The following LGR5 variants were observed in gnomAD, a reference collection of about 807,000 sequenced individuals.
LGR5 encodes the protein leucine rich repeat containing G protein-coupled receptor 5.
Under a neutral mutation model 76.7 loss-of-function variants are expected in LGR5, and 54 were observed. The ratio of observed to expected loss-of-function variants is 0.70; its 90% CI spans 0.57 to 0.88. LGR5 has a LOEUF of 0.88. Ranked by LOEUF, LGR5 falls within the 40% of genes least tolerant of loss-of-function variation. LGR5 has a pLI of 0.00. For synonymous variants in LGR5, 406 were observed against 421.9 expected (o/e 0.96, Z 0.46); for missense variants, 1,078 against 1,073.3 (o/e 1.00, Z -0.06).
chr12:71,442,530 C>A (rs1871812956), intron 1 of LGR5, among the ~76,000 whole-genome samples: 1 of 152,106 alleles, frequency 6.6e-6, no homozygotes. Flanking sequence ...ATGTTAAATA[C>A]TTATTTCTAA....
chr12:71,581,016 A>G (rs1879069096), intron 16 of LGR5, among the ~76,000 whole-genome samples: 1 of 152,176 alleles, frequency 6.6e-6, no homozygotes, highest in Admixed American at 6.5e-5. Context: ...TACTGTCCTC[A>G]GGGGTGATTA....
At chr12:71,479,343 C>CCTAGAAT (rs1215381141) in intron 1 of LGR5, among the ~76,000 whole-genome samples, 3 of 152,152 alleles carry the variant, frequency 2.0e-5, no homozygotes, top group Non-Finnish European at 4.4e-5. Context: ...AAATAAGCCT[C>CCTAGAAT]CTAGAATAAG....
chr12:71,567,685 G>A (rs1878415846), intron 11 of LGR5, among the ~76,000 whole-genome samples: 1 of 152,074 alleles, frequency 6.6e-6, no homozygotes, highest in South Asian at 2.1e-4. Context: ...GTAGATAAAC[G>A]GGAATGGCTG....
At position 71,583,724 on chromosome 12, in the gene LGR5, C is replaced by T; in HGVS notation, c.1714C>T (p.Leu572Phe). 1.2e-6 allele frequency: 2 copies of T among 1,614,138 alleles called. No individual in the cohort carries two copies. The highest frequency in any genetic ancestry group is 2.2e-5 in the East Asian group (1 of 44,876). Residue 572 changes from leucine to phenylalanine, a missense_variant, in exon 18 of 18, where the codon CTT becomes TTT. Coordinates refer to ENST00000266674, the MANE Select transcript of LGR5 (RefSeq NM_003667.4). ...AGTGTGGACCATAGCAGTTCTGGCACTTACTTGTAATGCTTTGGTGACTTC... is the reference window on the plus strand; with the variant it reads ...AGTGTGGACCATAGCAGTTCTGGCATTTACTTGTAATGCTTTGGTGACTTC... ...IGVWTIAVLALTCNALVTSTV... is the reference protein window; with the variant it reads ...IGVWTIAVLAFTCNALVTSTV...
At chr12:71,500,796 T>C (rs1874564128) in intron 1 of LGR5, among the ~76,000 whole-genome samples, 1 of 152,040 alleles carries the variant, frequency 6.6e-6, no homozygotes, top group African/African-American at 2.4e-5. Flanking sequence ...CTGGGTTGGT[T>C]CCTATATATA....
intron 1 of LGR5, among the ~76,000 whole-genome samples, chr12:71,464,664 A>G (rs1188535842): frequency 1.3e-5 from 2 of 152,196 alleles, no homozygotes; most frequent in South Asian, 2.1e-4. Context: ...TCGTAAGTCT[A>G]TATTAAGGAG....
chr12:71,497,392 G>A (rs1874382326), intron 1 of LGR5, among the ~76,000 whole-genome samples: 2 of 151,296 alleles, frequency 1.3e-5, no homozygotes, highest in South Asian at 4.2e-4. Context: ...AAGGAAGGGA[G>A]GGATGGAGGG....
At position 71,584,015 on chromosome 12, in the gene LGR5, T is replaced by C; in HGVS notation, c.2005T>C (p.Ser669Pro). Residue 669 changes from serine (S) to proline (P), a missense_variant, in exon 18 of 18, where the codon TCT becomes CCT. Ser to Pro is a moderately conservative substitution (Grantham distance 74). Coordinates refer to ENST00000266674, the MANE Select transcript of LGR5 (RefSeq NM_003667.4). Reference protein sequence around the residue: ...ALERGFSVKYSAKFETKAPFS... With the variant: ...ALERGFSVKYPAKFETKAPFS... ...GGAGCGTGGGTTCTCTGTGAAATAT[T>C]CTGCAAAATTTGAAACGAAAGCTCC... 1.2e-6 allele frequency: 2 copies of C among 1,614,206 alleles called. No individual in the cohort carries two copies. Among genetic ancestry groups the C allele is most frequent in the Non-Finnish European group, 1.7e-6 (2 of 1,180,036 alleles).
chr12:71,443,859 C>G (rs17814877), intron 1 of LGR5, among the ~76,000 whole-genome samples: 17,910 of 152,036 alleles, frequency 0.12, 1,159 homozygotes, highest in Middle Eastern at 0.19. Flanking sequence ...AAGGCATTCA[C>G]ATTTCATCCA....
intron 1 of LGR5, among the ~76,000 whole-genome samples, chr12:71,487,270 A>T (rs1873870039): frequency 6.6e-6 from 1 of 152,246 alleles, no homozygotes; most frequent in African/African-American, 2.4e-5. Context: ...CCATCACTAA[A>T]CAAGGATGAT....
intron 3 of LGR5, among the ~76,000 whole-genome samples, chr12:71,527,864 G>T (rs373760387): frequency 1.1e-4 from 17 of 152,268 alleles, no homozygotes; most frequent in African/African-American, 3.1e-4. Context: ...GAGCATCTTT[G>T]GTTGTCCAGA....
At chr12:71,547,979 A>AC (rs34615307) in intron 4 of LGR5, among the ~76,000 whole-genome samples, 13 of 151,298 alleles carry the variant, frequency 8.6e-5, no homozygotes, top group South Asian at 2.1e-4. Context: ...TATGTAACAG[A>AC]CCCCCCCCAA....
intron 13 of LGR5, among the ~76,000 whole-genome samples, chr12:71,576,974 G>C (rs1878883435): frequency 1.3e-5 from 2 of 152,044 alleles, no homozygotes; most frequent in Admixed American, 6.5e-5. Context: ...TTCTGTTCTG[G>C]GATCAAGGAA....
At chr12:71,453,096 A>G (rs1218890409) in intron 1 of LGR5, among the ~76,000 whole-genome samples, 2 of 152,226 alleles carry the variant, frequency 1.3e-5, no homozygotes, top group Non-Finnish European at 2.9e-5. Context: ...TAAAAACAAG[A>G]AAAGAACGAA....
intron 2 of LGR5, among the ~76,000 whole-genome samples, chr12:71,514,224 TAAGGAAGATTCCATA>T (rs1244349821): frequency 6.6e-6 from 1 of 152,176 alleles, no homozygotes; most frequent in Non-Finnish European, 1.5e-5. Context: ...CCGAGATGGT[TAAGGAAGATTCCATA>T]AAGGAATTAA....
intron 1 of LGR5, among the ~76,000 whole-genome samples, chr12:71,477,007 G>T (rs541683010): frequency 3.4e-4 from 52 of 152,152 alleles, no homozygotes; most frequent in African/African-American, 1.1e-3. Context: ...AAACAGGAAA[G>T]AAATTATAGT....
chr12:71,506,932 CA>C (rs1162148348), intron 2 of LGR5, among the ~76,000 whole-genome samples: 13 of 151,986 alleles, frequency 8.6e-5, no homozygotes, highest in Admixed American at 8.5e-4. Flanking sequence ...TTTAACAGAA[CA>C]TTTTTTTTAT....
chr12:71,441,304 G>A (rs1871757375), intron 1 of LGR5, among the ~76,000 whole-genome samples: 1 of 152,190 alleles, frequency 6.6e-6, no homozygotes. Flanking sequence ...CCCGTGCAAA[G>A]CATCTGGGGC....
At chr12:71,536,978 T>C (rs1362456553) in intron 4 of LGR5, among the ~76,000 whole-genome samples, 1 of 152,154 alleles carries the variant, frequency 6.6e-6, no homozygotes, top group East Asian at 1.9e-4. Context: ...ACTGACCACA[T>C]CCAAACTAAA....
Sources: gnomAD v4.1 joint callset for allele counts (sites outside exome capture counted in the v4.1 genomes callset) on GRCh38, gnomAD v4.1.1 for gene constraint, MANE v1.5 for transcripts, NCBI Gene and HGNC (gene_info 2026-07-23, HGNC 2026-07-21) for gene names.